Variants in SPOCK1 observed in about 807,000 individuals in gnomAD.
The protein encoded by SPOCK1 is testican-1.
A neutral mutation model predicts 55.3 loss-of-function variants in SPOCK1; 23 were observed. The ratio of observed to expected loss-of-function variants is 0.42; its 90% CI spans 0.30 to 0.59. The LOEUF (loss-of-function observed/expected upper bound fraction) is 0.59. Ranked by LOEUF, SPOCK1 falls within the 20% of genes least tolerant of loss-of-function variation. The pLI, the probability that SPOCK1 is intolerant of heterozygous loss-of-function variation, is 0.22. For synonymous variants in SPOCK1, 226 were observed against 221.0 expected, an observed-to-expected ratio of 1.02 and a Z score of -0.20; for missense variants, 499 against 552.5, an observed-to-expected ratio of 0.90 and a Z score of 0.97.
Position 137,032,984 on chromosome 5 carries a change from T to C in SPOCK1, c.589+34731A>G, listed in dbSNP as rs576286159. Reference sequence around the variant, plus strand: ...GCACAAGAACTCGGCCCTCACAGCCTCAGTGCAGCTAAATCAGGAAGAAGT... The same window carrying C: ...GCACAAGAACTCGGCCCTCACAGCCCCAGTGCAGCTAAATCAGGAAGAAGT... On this transcript the variant is annotated intron_variant, in intron 6 of 10. Transcript: ENST00000394945. Among the ~76,000 whole-genome samples, 39 of 152,296 alleles carry C rather than the reference T, an allele frequency of 2.6e-4. No homozygotes were observed. In the South Asian group the frequency reaches 8.1e-3, roughly 32 times the overall value.
rs754293734 is a variant in SPOCK1 at position 136,988,536 on chromosome 5, T to A, written c.814A>T (p.Ile272Phe). The A allele has an allele frequency of 1.6e-5, 26 of 1,614,208 alleles. No individual in the cohort carries two copies. Among genetic ancestry groups the A allele is most frequent in the Non-Finnish European group, 2.0e-5 (24 of 1,180,018 alleles). Residue 272 changes from isoleucine to phenylalanine, a missense_variant, in exon 8 of 11, where the codon ATC becomes TTC. This residue lies in a region of SPOCK1 where 386 missense variants were observed against 400.6 expected (regional missense o/e 0.96). Coordinates refer to ENST00000394945, the MANE Select transcript of SPOCK1 (RefSeq NM_004598.4). ...LLLDPSEINA[I>F]YLDKYEPCIK... ...CAGGGCTCGTACTTATCCAGGTAGA[T>A]GGCATTGATCTCTGAAGGGTCAAGC...
rs946542444 is a variant in SPOCK1 at position 137,498,354 on chromosome 5, G to T, written c.186+19C>A. ...GAGAGGCTCCGCGCCCCCCAGGGCC[G>T]GGTGGCGCCGGTACTCACGTCTCGA... On this transcript the variant is annotated intron_variant, in intron 2 of 10. Coordinates refer to ENST00000394945, the MANE Select transcript of SPOCK1 (RefSeq NM_004598.4). 2 of 1,565,404 alleles carry T rather than the reference G, an allele frequency of 1.3e-6. No homozygotes were observed. The highest frequency in any genetic ancestry group is 1.7e-6 in the Non-Finnish European group (2 of 1,156,588).
At chr5:137,475,044 GC>G (rs1353027560) in intron 2 of SPOCK1, among the ~76,000 whole-genome samples, 4 of 152,136 alleles carry the variant, frequency 2.6e-5, no homozygotes, top group Non-Finnish European at 5.9e-5. Flanking sequence ...TTTACACTGA[GC>G]TAGCCGGCAG....
At chr5:137,204,757 C>T (rs1580806537) in intron 3 of SPOCK1, among the ~76,000 whole-genome samples, 1 of 152,182 alleles carries the variant, frequency 6.6e-6, no homozygotes, top group East Asian at 1.9e-4. Flanking sequence ...CAGCTTCATC[C>T]TGCCTTTGGA....
chr5:137,109,974 C>T (rs1056576144), intron 5 of SPOCK1, among the ~76,000 whole-genome samples: 40 of 152,158 alleles, frequency 2.6e-4, no homozygotes, highest in African/African-American at 9.7e-4. Flanking sequence ...AGGAATGGTG[C>T]CTGTCTTATT....
At chr5:137,074,706 T>A (rs1205622947) in intron 5 of SPOCK1, among the ~76,000 whole-genome samples, 3 of 150,238 alleles carry the variant, frequency 2.0e-5, no homozygotes, top group Admixed American at 2.0e-4. Flanking sequence ...GTTGTTGTTG[T>A]TGTTGTTGTT....
Position 137,335,898 on chromosome 5 carries a change from A to G in SPOCK1, c.187-68843T>C, listed in dbSNP as rs113401159. 4.5e-3 allele frequency among the ~76,000 whole-genome samples: 688 copies of G among 152,318 alleles called. 6 individuals are homozygous for G. Among genetic ancestry groups the G allele is most frequent in the African/African-American group, 0.015 (614 of 41,574 alleles). ...CTGCGGTGCCCATCGCCAATCTAGA[A>G]CACAGCCTATCTGTACAAATGCTTC... is the stretch of plus-strand genomic sequence containing the variant. On this transcript the variant is annotated intron_variant, in intron 2 of 10. Transcript: ENST00000394945.
intron 3 of SPOCK1, among the ~76,000 whole-genome samples, chr5:137,163,886 C>T (rs889399358): frequency 6.6e-6 from 1 of 152,138 alleles, no homozygotes; most frequent in African/African-American, 2.4e-5. Flanking sequence ...ATACAAACAC[C>T]TATCTTAATT....
At chr5:137,268,543 G>C (rs553076615) in intron 2 of SPOCK1, among the ~76,000 whole-genome samples, 6 of 152,248 alleles carry the variant, frequency 3.9e-5, no homozygotes, top group Middle Eastern at 3.4e-3. Context: ...CAGAAACTCG[G>C]CAGCCACTGT....
At chr5:136,995,132 G>T (rs1751017761) in intron 6 of SPOCK1, among the ~76,000 whole-genome samples, 1 of 152,318 alleles carries the variant, frequency 6.6e-6, no homozygotes, top group Non-Finnish European at 1.5e-5. Context: ...CCGCAGCAGG[G>T]TGTCGTGCTG....
intron 6 of SPOCK1, among the ~76,000 whole-genome samples, chr5:137,022,668 A>G (rs996954624): frequency 6.6e-6 from 1 of 152,174 alleles, no homozygotes. Context: ...AAGCGAAAAA[A>G]AGTGTCGATT....
intron 2 of SPOCK1, among the ~76,000 whole-genome samples, chr5:137,408,147 A>G (rs1316219255): frequency 6.6e-6 from 1 of 152,206 alleles, no homozygotes; most frequent in African/African-American, 2.4e-5. Flanking sequence ...TTTCTGGCTT[A>G]ATGTCTGTCT....
intron 5 of SPOCK1, among the ~76,000 whole-genome samples, chr5:137,081,241 TA>T (rs1376211594): frequency 2.0e-5 from 3 of 152,198 alleles, no homozygotes; most frequent in Non-Finnish European, 4.4e-5. Flanking sequence ...ACTCTCTGCA[TA>T]AAAACACCTC....
chr5:137,349,564 TTG>T (rs1719659837), intron 2 of SPOCK1, among the ~76,000 whole-genome samples: 1 of 152,206 alleles, frequency 6.6e-6, no homozygotes, highest in South Asian at 2.1e-4. Context: ...ACAGAAATTA[TTG>T]TCTCACAGAT....
At chr5:137,186,256 T>TGTACATGATCA (rs1561465306) in intron 3 of SPOCK1, among the ~76,000 whole-genome samples, 2 of 152,346 alleles carry the variant, frequency 1.3e-5, no homozygotes, top group South Asian at 4.1e-4. Flanking sequence ...ATTGAGATAA[T>TGTACATGATCA]GTACATGATC....
chr5:137,056,966 G>C (rs1752313508), intron 6 of SPOCK1, among the ~76,000 whole-genome samples: 1 of 152,032 alleles, frequency 6.6e-6, no homozygotes, highest in Admixed American at 6.5e-5. Context: ...CCTGCCTCCA[G>C]GAAGACCTGC....
chr5:137,120,698 T>C (rs1424829319), intron 4 of SPOCK1, among the ~76,000 whole-genome samples: 1 of 152,224 alleles, frequency 6.6e-6, no homozygotes, highest in Non-Finnish European at 1.5e-5. Context: ...TCTATATGCC[T>C]TTCTATTGCT....
Position 136,977,034 on chromosome 5 carries a change from G to GAGAT in SPOCK1, c.*1616_*1619dup, listed in dbSNP as rs1285359333. ...GGCTGAAGTTCATGGGGGAAGGCAA[G>GAGAT]AGATAGATATGTGGGCCAGAGAGGC... On this transcript the variant is annotated 3_prime_UTR_variant, in exon 11 of 11. Transcript: ENST00000394945. 5 of 152,322 alleles carry GAGAT rather than the reference G, an allele frequency of 3.3e-5. No individual in the cohort carries two copies. Among genetic ancestry groups the GAGAT allele is most frequent in the African/African-American group, 9.7e-5 (4 of 41,444 alleles). The allele number at this position is 152,322 out of a possible 1,614,324, so 9.4% of individuals were successfully genotyped here.
chr5:137,214,199 T>TA (rs1293322313), intron 3 of SPOCK1, among the ~76,000 whole-genome samples: 2 of 152,074 alleles, frequency 1.3e-5, no homozygotes, highest in Non-Finnish European at 2.9e-5. Flanking sequence ...CCCCAACCTA[T>TA]AAAAAAGAGA....
Sources: allele counts gnomAD v4.1 joint callset (sites outside exome capture counted in the v4.1 genomes callset), GRCh38; gene constraint gnomAD v4.1.1; regional missense constraint gnomAD v4.1.1; transcripts MANE v1.5; gene names NCBI Gene and HGNC (gene_info 2026-07-23, HGNC 2026-07-21).